Variants in DMD observed in about 807,000 individuals in gnomAD.
DMD encodes the protein dystrophin, also known as mutant dystrophin.
DMD carries 63 observed loss-of-function variants against 330.1 expected under a neutral mutation model. That is an observed-to-expected ratio of 0.19 (90% CI 0.16 to 0.24). The LOEUF is 0.24. Among genes scored for constraint, DMD ranks in the 10% least tolerant of loss-of-function variants. The probability of loss-of-function intolerance (pLI) is 1.00; values close to 1 mark genes in which losing one functional copy is unlikely to be tolerated. For missense variants in DMD, 3,344 were observed against 2,684.1 expected (o/e 1.25, Z -5.43); for synonymous variants, 1,223 against 959.8 (o/e 1.27, Z -5.07).
At chrX:31,415,906 C>T (rs2061848706) in intron 60 of DMD, among the ~76,000 whole-genome samples, 1 of 110,905 alleles carries the variant, frequency 9.0e-6, no homozygotes, top group Admixed American at 9.7e-5. Context: ...GTGGTCTGCG[C>T]TTTAGGCCTG....
intron 60 of DMD, among the ~76,000 whole-genome samples, chrX:31,406,300 C>G (rs2061399479): frequency 9.0e-6 from 1 of 111,151 alleles, no homozygotes. Context: ...GGCTTAATAT[C>G]TGGGTGATAA....
At chrX:32,492,209 G>A (rs1437828030) in intron 19 of DMD, among the ~76,000 whole-genome samples, 3 of 111,161 alleles carry the variant, frequency 2.7e-5, no homozygotes, top group African/African-American at 9.8e-5. Flanking sequence ...GTGGTGGCGG[G>A]CGCCTGGGGT....
At chrX:32,102,866 G>T (rs1223321553) in intron 44 of DMD, among the ~76,000 whole-genome samples, 1 of 112,013 alleles carries the variant, frequency 8.9e-6, no homozygotes, top group African/African-American at 3.2e-5. Flanking sequence ...GATCAGAGAT[G>T]CAAATGTCTT....
intron 55 of DMD, among the ~76,000 whole-genome samples, chrX:31,620,934 T>C (rs913239121): frequency 8.9e-6 from 1 of 111,964 alleles, no homozygotes; most frequent in African/African-American, 3.2e-5. Flanking sequence ...GTGTGTAATA[T>C]AATTTATTTC....
chrX:32,854,855 C>T (rs1005700969), intron 2 of DMD, among the ~76,000 whole-genome samples: 4 of 111,580 alleles, frequency 3.6e-5, no homozygotes, highest in African/African-American at 6.5e-5. Context: ...TAGCCTGACA[C>T]GAAAACCAGA....
chrX:33,053,485 A>G (rs1168247514), intron 1 of DMD, among the ~76,000 whole-genome samples: 1 of 110,105 alleles, frequency 9.1e-6, no homozygotes, highest in Non-Finnish European at 1.9e-5. Context: ...AGTCCCAGCT[A>G]CTCGGGAGGC....
At chrX:31,175,483 C>T (rs1321854612) in intron 71 of DMD, among the ~76,000 whole-genome samples, 1 of 110,782 alleles carries the variant, frequency 9.0e-6, no homozygotes, top group East Asian at 2.8e-4. Context: ...TTACAATAAC[C>T]AGAAATCTTA....
At chrX:32,099,144 C>A (rs1019355818) in intron 44 of DMD, among the ~76,000 whole-genome samples, 4 of 111,795 alleles carry the variant, frequency 3.6e-5, no homozygotes, top group African/African-American at 1.3e-4. Context: ...TTCTCCCCAT[C>A]CTCTCCAGCA....
intron 53 of DMD, among the ~76,000 whole-genome samples, chrX:31,661,751 G>A (rs751321703): frequency 7.0e-4 from 78 of 111,372 alleles, no homozygotes; most frequent in African/African-American, 2.5e-3. Flanking sequence ...GTATGTGTGT[G>A]TGTTTTCTAT....
chrX:31,266,564 G>A (rs891426421), intron 62 of DMD, among the ~76,000 whole-genome samples: 10 of 112,203 alleles, frequency 8.9e-5, no homozygotes, highest in African/African-American at 3.2e-4. Flanking sequence ...TTCTCTCCGA[G>A]CCCGTCCCAA....
At chrX:31,952,340 T>C (rs2095192995) in intron 45 of DMD, among the ~76,000 whole-genome samples, 1 of 111,538 alleles carries the variant, frequency 9.0e-6, no homozygotes, top group South Asian at 3.7e-4. Flanking sequence ...TCTACATTGA[T>C]ATGCTCAATG....
intron 13 of DMD, among the ~76,000 whole-genome samples, chrX:32,588,010 G>T (rs990487977): frequency 2.7e-5 from 3 of 111,176 alleles, no homozygotes; most frequent in Non-Finnish European, 3.8e-5. Context: ...AGCAGGAAGG[G>T]TCTATTTCTA....
At chrX:31,964,308 T>C (rs1209272108) in intron 45 of DMD, among the ~76,000 whole-genome samples, 1 of 111,415 alleles carries the variant, frequency 9.0e-6, no homozygotes, top group Admixed American at 9.6e-5. Flanking sequence ...AGGGCTATTT[T>C]AGACTAAGAA....
At position 31,822,035 on chromosome X, in the gene DMD, G is replaced by A. The variant is rs141766974; in HGVS notation, c.7201-1952C>T. Among the ~76,000 whole-genome samples, 915 of 112,052 alleles carry A rather than the reference G, an allele frequency of 8.2e-3. 10 individuals carry two copies. Among genetic ancestry groups the A allele is most frequent in the African/African-American group, 0.028 (854 of 30,832 alleles). Reference sequence around the variant, plus strand: ...TTATTCCAGAAAAATAATTGTTCAGGTGCTACTCTGTGCCAGACTTTGTGC... The same window carrying A: ...TTATTCCAGAAAAATAATTGTTCAGATGCTACTCTGTGCCAGACTTTGTGC... On this transcript the variant is annotated intron_variant, in intron 49 of 78. Transcript: ENST00000357033.
At chrX:32,645,284 G>C (rs1367702809) in intron 9 of DMD, 132 bp from the exon 10 acceptor site, 17 of 672,601 alleles carry the variant, frequency 2.5e-5, no homozygotes, top group Non-Finnish European at 3.8e-5. Flanking sequence ...CACAGGAACA[G>C]CAGATACAGA....
chrX:31,873,516 C>G (rs1042381224), intron 48 of DMD, among the ~76,000 whole-genome samples: 11 of 111,322 alleles, frequency 9.9e-5, no homozygotes, highest in Non-Finnish European at 2.1e-4. Flanking sequence ...TAGGTTTTTA[C>G]AATACTGGAC....
intron 55 of DMD, among the ~76,000 whole-genome samples, chrX:31,536,100 T>C (rs924871365): frequency 8.9e-6 from 1 of 111,978 alleles, no homozygotes; most frequent in African/African-American, 3.2e-5. Context: ...TCCTGGGAGT[T>C]AAAATCTCAA....
At chrX:32,787,930 A>G (rs1246364495) in intron 7 of DMD, among the ~76,000 whole-genome samples, 1 of 111,550 alleles carries the variant, frequency 9.0e-6, no homozygotes, top group East Asian at 2.8e-4. Flanking sequence ...AACTTTAGCT[A>G]CTGTTTCTGG....
chrX:31,162,747 T>G (rs1447473491), intron 74 of DMD, among the ~76,000 whole-genome samples: 1 of 111,951 alleles, frequency 8.9e-6, no homozygotes, highest in East Asian at 2.8e-4. Flanking sequence ...AAAAGAGAGA[T>G]AATTAGGATA....
Sources: gnomAD v4.1 joint callset for allele counts (sites outside exome capture counted in the v4.1 genomes callset) on GRCh38, gnomAD v4.1.1 for gene constraint, MANE v1.5 for transcripts, NCBI Gene and HGNC (gene_info 2026-07-23, HGNC 2026-07-21) for gene names.